The following SGK3 variants were observed in gnomAD, a reference collection of about 807,000 sequenced individuals.
The protein encoded by SGK3 is serine/threonine-protein kinase Sgk3.
Under a neutral mutation model 68.5 loss-of-function variants are expected in SGK3, and 47 were observed. The ratio of observed to expected loss-of-function variants is 0.69; its 90% CI spans 0.54 to 0.87. The LOEUF is 0.87. Ranked by LOEUF, SGK3 falls within the 40% of genes least tolerant of loss-of-function variation. The pLI, the probability that SGK3 is intolerant of heterozygous loss-of-function variation, is 0.00. For missense variants in SGK3, 479 were observed against 575.5 expected (o/e 0.83, Z 1.72); for synonymous variants, 181 against 189.1 (o/e 0.96, Z 0.35).
Position 66,776,473 on chromosome 8 carries a change from C to T in SGK3, c.-121-17143C>T, listed in dbSNP as rs147787101. 4.5e-3 allele frequency among the ~76,000 whole-genome samples: 681 copies of T among 152,274 alleles called. 4 individuals are homozygous for T. Among genetic ancestry groups the T allele is most frequent in the Non-Finnish European group, 4.4e-3 (301 of 68,012 alleles). ...AGAGCACCCCCAATACATAAATAAACATCATAGGAACCATAGCTTGCTGCA... is the reference window on the plus strand; with the variant it reads ...AGAGCACCCCCAATACATAAATAAATATCATAGGAACCATAGCTTGCTGCA... On this transcript the variant is annotated intron_variant, in intron 1 of 16. Coordinates refer to ENST00000521198, the MANE Select transcript of SGK3 (RefSeq NM_001033578.3).
chr8:66,729,811 C>T (rs1159339352), intron 1 of SGK3, among the ~76,000 whole-genome samples: 1 of 152,034 alleles, frequency 6.6e-6, no homozygotes, highest in Non-Finnish European at 1.5e-5. Flanking sequence ...GTGGCGCGAT[C>T]TTGGCTCACT....
chr8:66,843,990 T>A (rs1240858908), intron 14 of SGK3, among the ~76,000 whole-genome samples: 3 of 68,848 alleles, frequency 4.4e-5, no homozygotes, highest in African/African-American at 2.1e-4. Context: ...GGAGACTCTG[T>A]CTCAAAAAAA....
intron 1 of SGK3, among the ~76,000 whole-genome samples, chr8:66,744,499 ATATATATATATATATATATAT>A (rs1805574178): frequency 5.0e-5 from 1 of 19,956 alleles, no homozygotes; most frequent in Non-Finnish European, 9.7e-5. Flanking sequence ...ATATATATAT[ATATATATATATATATATATAT>A]TTTTTTTTTT....
chr8:66,750,053 A>G (rs1805768766), intron 1 of SGK3, among the ~76,000 whole-genome samples: 1 of 151,960 alleles, frequency 6.6e-6, no homozygotes, highest in African/African-American at 2.4e-5. Flanking sequence ...TTTTCTATAC[A>G]TTCAGCCTGC....
chr8:66,716,019 C>G (rs1586662835), intron 1 of SGK3, among the ~76,000 whole-genome samples: 1 of 152,148 alleles, frequency 6.6e-6, no homozygotes, highest in Non-Finnish European at 1.5e-5. Context: ...CATGTTTTCT[C>G]TTTTTGAAAA....
chr8:66,847,253 A>T lies in SGK3; in HGVS notation c.1135A>T (p.Ser379Cys). 1 of 1,613,828 alleles carries T rather than the reference A, an allele frequency of 6.2e-7. No homozygotes were observed. The highest frequency in any genetic ancestry group is 8.5e-7 in the Non-Finnish European group (1 of 1,179,954). ...MYDNILHKPL[S>C]LRPGVSLTAW... is the part of the protein sequence containing the mutation. ...TGACAATATCCTTCACAAACCCCTAAGTTTGAGGCCAGGAGTGAGTCTTAC... is the reference window on the plus strand; with the variant it reads ...TGACAATATCCTTCACAAACCCCTATGTTTGAGGCCAGGAGTGAGTCTTAC... The change falls in exon 15 of 17, where the codon AGT becomes TGT. Residue 379 changes from serine to cysteine, a missense_variant. This residue lies in a region of SGK3 where 173 missense variants were observed against 214.3 expected (regional missense o/e 0.81). Coordinates refer to ENST00000521198, the MANE Select transcript of SGK3 (RefSeq NM_001033578.3).
At chr8:66,821,985 A>ATTT (rs11398550) in intron 5 of SGK3, among the ~76,000 whole-genome samples, 20 of 143,432 alleles carry the variant, frequency 1.4e-4, no homozygotes, top group Middle Eastern at 7.1e-3. Context: ...CTCTTTCCCT[A>ATTT]TTTTTTTTTT....
chr8:66,768,145 C>T (rs570521524), intron 1 of SGK3: 25 of 371,506 alleles, frequency 6.7e-5, no homozygotes, highest in Non-Finnish European at 1.2e-4. Flanking sequence ...ACTTCCATGT[C>T]TCTAATGCTA....
At chr8:66,847,112 C>T in intron 14 of SGK3, 81 bp from the exon 15 acceptor site, 1 of 1,544,064 alleles carries the variant, frequency 6.5e-7, no homozygotes, top group Non-Finnish European at 8.7e-7. Context: ...CTGACTGCTC[C>T]CTCAAGATTA....
chr8:66,739,841 C>T (rs183337604), intron 1 of SGK3, among the ~76,000 whole-genome samples: 5 of 152,268 alleles, frequency 3.3e-5, no homozygotes, highest in African/African-American at 1.2e-4. Context: ...AGAATGAGAA[C>T]TGAGTGAAGG....
intron 1 of SGK3, among the ~76,000 whole-genome samples, chr8:66,734,148 ATTAC>A (rs1805245385): frequency 6.6e-6 from 1 of 150,878 alleles, no homozygotes; most frequent in African/African-American, 2.4e-5. Context: ...TTTTTGTTGT[ATTAC>A]TTTCTGGATC....
chr8:66,736,393 G>T lies in SGK3; in HGVS notation c.-122+23560G>T, dbSNP rs570297939. On this transcript the variant is annotated intron_variant, in intron 1 of 16. Coordinates refer to ENST00000521198, the MANE Select transcript of SGK3 (RefSeq NM_001033578.3). ...AAAGTATACAGGAGGATGTGCATAGGTTATATGCAAATACTGTTTTATTTT... is the reference window on the plus strand; with the variant it reads ...AAAGTATACAGGAGGATGTGCATAGTTTATATGCAAATACTGTTTTATTTT... Among the ~76,000 whole-genome samples the T allele has an allele frequency of 3.6e-3, 549 of 152,106 alleles. 8 individuals carry two copies. The highest frequency in any genetic ancestry group is 0.012 in the African/African-American group (513 of 41,516).
At position 66,858,452 on chromosome 8, in the gene SGK3, C is replaced by T. The variant is rs375817872; in HGVS notation, c.1321-959C>T. Among the ~76,000 whole-genome samples, 13 of 147,864 alleles carry T rather than the reference C, an allele frequency of 8.8e-5. No individual in the cohort carries two copies. The South Asian group carries it at 1.5e-3, about 17-fold the overall frequency. ...CTGCAGTCCAGCCTGGGTGACAGAG[C>T]GAGACTCTGTCTCAAAAAAAAAAAA... On this transcript the variant is annotated intron_variant, in intron 16 of 16. Transcript: ENST00000521198.
intron 1 of SGK3, among the ~76,000 whole-genome samples, chr8:66,763,491 C>T (rs1806231016): frequency 6.6e-6 from 1 of 152,104 alleles, no homozygotes; most frequent in South Asian, 2.1e-4. Context: ...AGCCAGTTCT[C>T]CAAGGAGCCC....
rs1232517694 is a variant in SGK3 at position 66,831,230 on chromosome 8, ATTC to A, written c.468-21_468-19del. The A allele has an allele frequency of 2.5e-6, 4 of 1,612,610 alleles. No homozygotes were observed. In the Admixed American group the frequency reaches 6.7e-5, roughly 27 times the overall value. On this transcript the variant is annotated intron_variant, in intron 7 of 16. Coordinates refer to ENST00000521198, the MANE Select transcript of SGK3 (RefSeq NM_001033578.3). ...AATATTTCCAATTTCTAGGAGGCTA[ATTC>A]TTATTGTTAATTTATTTCAGTGCCA...
intron 8 of SGK3, among the ~76,000 whole-genome samples, chr8:66,835,113 T>C (rs1809468818): frequency 6.6e-6 from 1 of 150,440 alleles, no homozygotes; most frequent in African/African-American, 2.4e-5. Flanking sequence ...CTACAAAAAA[T>C]TCAAAAATTA....
rs779150153 is a variant in SGK3, at chr8:66,809,771, A to AT, written c.254-4080dup. Among the ~76,000 whole-genome samples, 5 of 152,358 alleles carry AT rather than the reference A, an allele frequency of 3.3e-5. No individual in the cohort carries two copies. In the East Asian group the frequency reaches 9.6e-4, roughly 29 times the overall value. ...AAAATCCTCGTACAACTTCTGATGA[A>AT]TTAATAGTTCTAGGCAAAGATCATC... is the stretch of plus-strand genomic sequence containing the variant. On this transcript the variant is annotated intron_variant, in intron 4 of 16. Coordinates refer to ENST00000521198, the MANE Select transcript of SGK3 (RefSeq NM_001033578.3).
At chr8:66,715,219 G>T (rs964410420) in intron 1 of SGK3, among the ~76,000 whole-genome samples, 1 of 151,868 alleles carries the variant, frequency 6.6e-6, no homozygotes, top group African/African-American at 2.4e-5. Flanking sequence ...CGGACACATG[G>T]TATTTATGTT....
At chr8:66,833,338 T>C (rs1258087164) in intron 8 of SGK3, among the ~76,000 whole-genome samples, 1 of 152,150 alleles carries the variant, frequency 6.6e-6, no homozygotes, top group East Asian at 1.9e-4. Flanking sequence ...TGTTTCTGTT[T>C]CTACATTGCA....
Sources: gnomAD v4.1 joint callset for allele counts (sites outside exome capture counted in the v4.1 genomes callset) on GRCh38, gnomAD v4.1.1 for gene constraint, gnomAD v4.1.1 regional missense constraint, MANE v1.5 for transcripts, NCBI Gene and HGNC (gene_info 2026-07-23, HGNC 2026-07-21) for gene names.